UBE2D4: variants seen among roughly 807,000 people sequenced by gnomAD.
The protein encoded by UBE2D4 is ubiquitin conjugating enzyme E2 D4.
UBE2D4 carries 17 observed loss-of-function variants against 23.0 expected under a neutral mutation model. That is an observed-to-expected ratio of 0.74 (90% confidence interval 0.51 to 1.11). The LOEUF (loss-of-function observed/expected upper bound fraction) is 1.11. Among genes scored for constraint, UBE2D4 ranks in the 50% least tolerant of loss-of-function variants. The pLI, the probability that UBE2D4 is intolerant of heterozygous loss-of-function variation, is 0.00. For missense variants in UBE2D4, 139 were observed against 181.8 expected, an observed-to-expected ratio of 0.76 and a Z score of 1.35; for synonymous variants, 61 against 69.4, an observed-to-expected ratio of 0.88 and a Z score of 0.60.
intron 2 of UBE2D4, chr7:43,942,601 C>T (rs1562602865): frequency 1.6e-6 from 1 of 622,904 alleles, no homozygotes; most frequent in African/African-American, 1.8e-5. Flanking sequence ...ATGTTGTTTC[C>T]CTGTGATAAC....
intron 2 of UBE2D4, among the ~76,000 whole-genome samples, chr7:43,940,607 G>A (rs968361186): frequency 2.6e-5 from 4 of 152,166 alleles, no homozygotes; most frequent in East Asian, 1.9e-4. Flanking sequence ...TTTCACACCC[G>A]CCTCATGGGC....
intron 1 of UBE2D4, among the ~76,000 whole-genome samples, chr7:43,934,486 TA>T (rs2095954122): frequency 6.6e-6 from 1 of 151,162 alleles, no homozygotes; most frequent in Non-Finnish European, 1.5e-5. Flanking sequence ...GAATGATACT[TA>T]ACAAGAAACA....
chr7:43,942,417 T>C, intron 2 of UBE2D4: 1 of 334,122 alleles, frequency 3.0e-6, no homozygotes, highest in South Asian at 3.2e-5. Context: ...AAGTCAGTCA[T>C]GCTCTCAGGG....
rs1585896521 is a variant in UBE2D4, at chr7:43,954,349, C to T, written c.*1654C>T. ...GTGGTGCGATCTTGGCTCACTGCAA[C>T]CTCTGCCTCCCAGGTTCAAGCAATT... On this transcript the variant is annotated 3_prime_UTR_variant, in exon 7 of 7. Transcript: ENST00000222402. The T allele has an allele frequency of 2.0e-5, 3 of 148,796 alleles. No homozygotes were observed. In the South Asian group the frequency reaches 6.4e-4, roughly 32 times the overall value. 9.2% of individuals were successfully genotyped at this position (148,796 alleles called of 1,614,324 possible).
intron 1 of UBE2D4, among the ~76,000 whole-genome samples, chr7:43,937,775 C>T (rs183161731): frequency 3.9e-5 from 6 of 151,984 alleles, no homozygotes; most frequent in Admixed American, 3.9e-4. Context: ...CAGTGTTTGG[C>T]TTAGTTCAGG....
intron 1 of UBE2D4, among the ~76,000 whole-genome samples, chr7:43,936,928 G>A (rs1335100028): frequency 6.6e-6 from 1 of 152,150 alleles, no homozygotes; most frequent in African/African-American, 2.4e-5. Flanking sequence ...ACAGGAATTC[G>A]ATGTGTGAGT....
chr7:43,949,759 G>T (rs747639603), intron 5 of UBE2D4, among the ~76,000 whole-genome samples: 4 of 152,204 alleles, frequency 2.6e-5, no homozygotes, highest in Non-Finnish European at 5.9e-5. Flanking sequence ...CTTCCCCTAG[G>T]GTTGCTGAGA....
chr7:43,950,177 T>G (rs1365739380), intron 5 of UBE2D4, among the ~76,000 whole-genome samples: 1 of 152,060 alleles, frequency 6.6e-6, no homozygotes, highest in Non-Finnish European at 1.5e-5. Context: ...TTTAATCCAT[T>G]TATTGGGTGT....
At chr7:43,938,352 C>A in intron 1 of UBE2D4, 79 bp from the exon 2 acceptor site, 1 of 1,429,100 alleles carries the variant, frequency 7.0e-7, no homozygotes, top group Non-Finnish European at 9.9e-7. Flanking sequence ...CAGGAGAATT[C>A]CTTCCAGCTA....
In UBE2D4 at chr7:43,938,399, C is replaced by A. The variant is rs369404863; in HGVS notation, c.25-32C>A. ...ATGTAGAGGCAGCATCCCCAGCATA[C>A]AGCAGCTCTGACCCACTCTCTCATG... On this transcript the variant is annotated intron_variant, in intron 1 of 6. Coordinates refer to ENST00000222402, the MANE Select transcript of UBE2D4 (RefSeq NM_015983.4). 10 of 1,606,602 alleles carry A rather than the reference C, an allele frequency of 6.2e-6. No individual in the cohort carries two copies. In the African/African-American group the frequency reaches 1.2e-4, roughly 19 times the overall value.
intron 1 of UBE2D4, among the ~76,000 whole-genome samples, chr7:43,932,685 C>T (rs971277452): frequency 4.0e-5 from 6 of 151,782 alleles, no homozygotes; most frequent in Non-Finnish European, 7.4e-5. Flanking sequence ...CTCAGCTACT[C>T]GGGAGGCTGA....
At chr7:43,950,949 A>G (rs746512781) in intron 6 of UBE2D4, among the ~76,000 whole-genome samples, 1 of 152,238 alleles carries the variant, frequency 6.6e-6, no homozygotes, top group Non-Finnish European at 1.5e-5. Context: ...CTGCTACTGT[A>G]TATGAAAACA....
intron 1 of UBE2D4, among the ~76,000 whole-genome samples, chr7:43,931,001 G>A (rs923356138): frequency 1.2e-4 from 18 of 151,910 alleles, no homozygotes; most frequent in Admixed American, 1.1e-3. Flanking sequence ...GCATGTGCCT[G>A]TAATCCTGGC....
In UBE2D4 at chr7:43,943,015, C is replaced by T. The variant is rs1053694858; in HGVS notation, c.182C>T (p.Pro61Leu). The T allele has an allele frequency of 1.3e-5, 21 of 1,614,028 alleles. No homozygotes were observed. Among genetic ancestry groups the T allele is most frequent in the Admixed American group, 1.7e-5 (1 of 59,986 alleles). ...FLTIHFPTDYPFKPPKVAFTT... is the reference protein window; with the variant it reads ...FLTIHFPTDYLFKPPKVAFTT... ...ACCATCCACTTTCCTACAGATTACC[C>T]GTTCAAGCCCCCAAAGGTGAGGTCC... Residue 61 changes from proline (P) to leucine (L), a missense_variant, in exon 4 of 7, where the codon CCG becomes CTG. Pro to Leu is a moderately conservative substitution (Grantham distance 98). Coordinates refer to ENST00000222402, the MANE Select transcript of UBE2D4 (RefSeq NM_015983.4).
At chr7:43,945,163 T>C (rs1389823599) in intron 4 of UBE2D4, among the ~76,000 whole-genome samples, 3 of 152,152 alleles carry the variant, frequency 2.0e-5, no homozygotes, top group African/African-American at 7.2e-5. Flanking sequence ...GGCTAATTTT[T>C]TGTATTTTTA....
chr7:43,942,941 C>G lies in UBE2D4; in HGVS notation c.121-13C>G. ...CACATGCACTGATCTCTTTCTGTGTCTCATCCTTCCAGAATGACAGTCCTT... is the reference window on the plus strand; with the variant it reads ...CACATGCACTGATCTCTTTCTGTGTGTCATCCTTCCAGAATGACAGTCCTT... On this transcript the variant is annotated splice_polypyrimidine_tract_variant and intron_variant, in intron 3 of 6. Coordinates refer to ENST00000222402, the MANE Select transcript of UBE2D4 (RefSeq NM_015983.4). 6.2e-7 allele frequency: 1 copy of G among 1,614,100 alleles called. No individual in the cohort carries two copies. The highest frequency in any genetic ancestry group is 8.5e-7 in the Non-Finnish European group (1 of 1,179,988).
At chr7:43,932,522 G>A (rs371776427) in intron 1 of UBE2D4, among the ~76,000 whole-genome samples, 3 of 152,156 alleles carry the variant, frequency 2.0e-5, no homozygotes, top group South Asian at 2.1e-4. Context: ...GCTAAGCAGG[G>A]TGGCTCACGC....
At position 43,953,008 on chromosome 7, in the gene UBE2D4, C is replaced by T. The variant is rs1224579724; in HGVS notation, c.*313C>T. 9.9e-6 allele frequency: 4 copies of T among 403,304 alleles called. No individual in the cohort carries two copies. The highest frequency in any genetic ancestry group is 3.2e-5 in the Admixed American group (1 of 31,700). 25.0% of individuals were successfully genotyped at this position (403,304 alleles called of 1,614,324 possible). ...GTCTCTTGGGGGGCCAGGCCCTGCA[C>T]GTCTCTCCTACCCGGCCTCAAATGG... On this transcript the variant is annotated 3_prime_UTR_variant, in exon 7 of 7. Transcript: ENST00000222402.
At chr7:43,929,426 A>T (rs1235877461) in intron 1 of UBE2D4, among the ~76,000 whole-genome samples, 3 of 111,640 alleles carry the variant, frequency 2.7e-5, no homozygotes, top group East Asian at 5.4e-4. Flanking sequence ...ACTCTGTCTT[A>T]AAAAAAAAAA....
Sources: gnomAD v4.1 joint callset for allele counts (sites outside exome capture counted in the v4.1 genomes callset) on GRCh38, gnomAD v4.1.1 for gene constraint, MANE v1.5 for transcripts, NCBI Gene and HGNC (gene_info 2026-07-23, HGNC 2026-07-21) for gene names.